USP3: variants seen among roughly 807,000 people sequenced by gnomAD.
USP3 encodes the protein ubiquitin carboxyl-terminal hydrolase 3.
In USP3, 20 loss-of-function variants were observed where a neutral mutation model predicts 72.3. The observed-to-expected ratio is 0.28, with a 90% CI of 0.19 to 0.40. The LOEUF (loss-of-function observed/expected upper bound fraction) is 0.40. Among genes scored for constraint, USP3 ranks in the 10% least tolerant of loss-of-function variants. The pLI, the probability that USP3 is intolerant of heterozygous loss-of-function variation, is 1.00. For synonymous variants in USP3, 222 were observed against 225.3 expected (o/e 0.99, Z 0.13); for missense variants, 479 against 633.9 (o/e 0.76, Z 2.62).
intron 9 of USP3, among the ~76,000 whole-genome samples, chr15:63,572,396 A>G (rs1462239133): frequency 6.7e-6 from 1 of 148,518 alleles, no homozygotes; most frequent in Non-Finnish European, 1.5e-5. Context: ...TTTTTTTGCT[A>G]TGTCCTTTTT....
chr15:63,507,688 T>C (rs950745516), intron 1 of USP3, among the ~76,000 whole-genome samples: 1 of 152,244 alleles, frequency 6.6e-6, no homozygotes, highest in African/African-American at 2.4e-5. Flanking sequence ...GAGCTTCTTA[T>C]CCATGGAAGG....
intron 1 of USP3, among the ~76,000 whole-genome samples, chr15:63,531,237 C>G (rs1398699688): frequency 6.6e-6 from 1 of 152,182 alleles, no homozygotes; most frequent in Non-Finnish European, 1.5e-5. Context: ...ATTTATTTAA[C>G]TCATTAATGA....
At chr15:63,575,156 TGG>T (rs1027313074) in intron 11 of USP3, among the ~76,000 whole-genome samples, 5 of 119,294 alleles carry the variant, frequency 4.2e-5, no homozygotes, top group African/African-American at 1.5e-4. Context: ...ATTGTCATGA[TGG>T]TTTTTTTTTT....
chr15:63,510,124 A>T (rs181577817), intron 1 of USP3, among the ~76,000 whole-genome samples: 86 of 152,242 alleles, frequency 5.6e-4, no homozygotes, highest in Non-Finnish European at 7.4e-4. Context: ...TTCCTTCTCC[A>T]CTGGAATATA....
At chr15:63,548,329 T>G (rs1431601214) in intron 3 of USP3, among the ~76,000 whole-genome samples, 1 of 150,562 alleles carries the variant, frequency 6.6e-6, no homozygotes, top group Non-Finnish European at 1.5e-5. Flanking sequence ...ATTTTTGCTT[T>G]GTTTTTTTTG....
intron 2 of USP3, among the ~76,000 whole-genome samples, chr15:63,536,039 G>A (rs1254481497): frequency 6.6e-6 from 1 of 152,132 alleles, no homozygotes; most frequent in Non-Finnish European, 1.5e-5. Flanking sequence ...AGATGGATTT[G>A]GGTGTACACC....
intron 11 of USP3, among the ~76,000 whole-genome samples, chr15:63,577,930 A>C (rs1595766990): frequency 1.3e-4 from 2 of 15,824 alleles, no homozygotes; most frequent in African/African-American, 5.8e-4. Flanking sequence ...CCCTGCCTCA[A>C]AAAAAAAAAA....
chr15:63,576,546 A>G (rs1053493481), intron 11 of USP3, among the ~76,000 whole-genome samples: 3 of 152,218 alleles, frequency 2.0e-5, no homozygotes, highest in Admixed American at 6.5e-5. Flanking sequence ...TGCATGACAC[A>G]GCTTATAGAT....
chr15:63,524,364 G>A (rs1171306642), intron 1 of USP3, among the ~76,000 whole-genome samples: 1 of 152,176 alleles, frequency 6.6e-6, no homozygotes, highest in African/African-American at 2.4e-5. Context: ...GAGTTGTTTG[G>A]TGGGTGTGGA....
rs868249030 is a variant in USP3, at chr15:63,542,028, T to C, written c.284+4872T>C. 5 of 984,984 alleles carry C rather than the reference T, an allele frequency of 5.1e-6. No homozygotes were observed. In the South Asian group the frequency reaches 2.3e-4, roughly 46 times the overall value. 61.0% of individuals were successfully genotyped at this position (984,984 alleles called of 1,614,324 possible). On this transcript the variant is annotated intron_variant, in intron 3 of 14. Coordinates refer to ENST00000380324, the MANE Select transcript of USP3 (RefSeq NM_006537.4). ...TACTGTTGCATAAAAAATGTTTTAT[T>C]TGTATGATTATTCCTCCTTGTTTCA...
intron 1 of USP3, 200 bp from the exon 2 acceptor site, chr15:63,532,447 G>A (rs2066090536): frequency 6.4e-6 from 4 of 628,186 alleles, no homozygotes; most frequent in Non-Finnish European, 1.1e-5. Context: ...ATGAGCCGCT[G>A]TTGTGGACAT....
In USP3 at chr15:63,592,781, G is replaced by A. The variant is rs1289408470; in HGVS notation, c.*1955G>A. On this transcript the variant is annotated 3_prime_UTR_variant, in exon 15 of 15. Transcript: ENST00000380324. ...GACCTTTTTTTTTTTTTAAGTTTAT[G>A]ATATAAAAACAGTCTGGTGGCTTTC... 1 of 150,240 alleles carries A rather than the reference G, an allele frequency of 6.7e-6. No homozygotes were observed. Among genetic ancestry groups the A allele is most frequent in the African/African-American group, 2.5e-5 (1 of 40,766 alleles). 9.3% of individuals were successfully genotyped at this position (150,240 alleles called of 1,614,324 possible). A position where few individuals can be genotyped will look rare whatever the true frequency, so the allele number is the denominator to read the frequency against.
intron 1 of USP3, among the ~76,000 whole-genome samples, chr15:63,516,237 C>T (rs761077878): frequency 1.9e-4 from 29 of 152,174 alleles, no homozygotes; most frequent in East Asian, 5.8e-4. Flanking sequence ...ACCCATTCAA[C>T]GGATTAGATA....
At chr15:63,560,021 C>T in intron 7 of USP3, 51 bp downstream of exon 7, 1 of 1,503,462 alleles carries the variant, frequency 6.7e-7, no homozygotes. Flanking sequence ...AAACAAATTA[C>T]TTTCACTGGT....
intron 6 of USP3, 54 bp from the exon 7 acceptor site, chr15:63,559,803 T>C (rs757966717): frequency 8.8e-6 from 13 of 1,480,914 alleles, no homozygotes; most frequent in Non-Finnish European, 1.2e-5. Flanking sequence ...ATCAACTTTC[T>C]TTACAGTCCT....
At chr15:63,513,525 A>G (rs1263751484) in intron 1 of USP3, among the ~76,000 whole-genome samples, 1 of 152,084 alleles carries the variant, frequency 6.6e-6, no homozygotes, top group African/African-American at 2.4e-5. Flanking sequence ...GACTCCAGGC[A>G]TGTGCCACCA....
chr15:63,559,872 T>G lies in USP3; in HGVS notation c.549T>G (p.Phe183Leu). 1 of 1,613,760 alleles carries G rather than the reference T, an allele frequency of 6.2e-7. No homozygotes were observed. Among genetic ancestry groups the G allele is most frequent in the Non-Finnish European group, 8.5e-7 (1 of 1,179,784 alleles). ...TTTAAAATAGTAACATTGAGCAGTTTTGCTGTTATTTCAAAGAACTGCCCG... is the reference window on the plus strand; with the variant it reads ...TTTAAAATAGTAACATTGAGCAGTTGTGCTGTTATTTCAAAGAACTGCCCG... Reference protein sequence around the residue: ...ILQSLSNIEQFCCYFKELPAV... With the variant: ...ILQSLSNIEQLCCYFKELPAV... Residue 183 changes from phenylalanine (F) to leucine (L), a missense_variant, in exon 7 of 15, where the codon TTT becomes TTG. Physicochemically the swap from Phe to Leu is conservative, Grantham distance 22. Coordinates refer to ENST00000380324, the MANE Select transcript of USP3 (RefSeq NM_006537.4).
chr15:63,535,336 T>C (rs1022931758), intron 2 of USP3, among the ~76,000 whole-genome samples: 7 of 152,224 alleles, frequency 4.6e-5, no homozygotes, highest in Non-Finnish European at 7.3e-5. Context: ...GGATTCTGAA[T>C]GAGTAGTAGT....
intron 3 of USP3, among the ~76,000 whole-genome samples, chr15:63,547,822 G>C (rs2066366500): frequency 8.7e-6 from 1 of 114,586 alleles, no homozygotes; most frequent in African/African-American, 3.4e-5. Flanking sequence ...GGCATAGAGA[G>C]AGAGAGAGAG....
Sources: gnomAD v4.1 joint callset for allele counts (sites outside exome capture counted in the v4.1 genomes callset) on GRCh38, gnomAD v4.1.1 for gene constraint, MANE v1.5 for transcripts, NCBI Gene and HGNC (gene_info 2026-07-23, HGNC 2026-07-21) for gene names.